MYO5A: variants seen among roughly 807,000 people sequenced by gnomAD.
The protein encoded by MYO5A is myosin VA.
In MYO5A, 98 loss-of-function variants were observed where a neutral mutation model predicts 249.7. That is an observed-to-expected ratio of 0.39 (90% CI 0.33 to 0.46). MYO5A has a LOEUF of 0.46. MYO5A is among the 20% of genes least tolerant of loss of function. The probability of loss-of-function intolerance (pLI) is 0.98; values close to 1 mark genes in which losing one functional copy is unlikely to be tolerated. For synonymous variants in MYO5A, 778 were observed against 810.6 expected, an observed-to-expected ratio of 0.96 and a Z score of 0.68; for missense variants, 1,696 against 2,308.8, an observed-to-expected ratio of 0.73 and a Z score of 5.44.
Position 52,360,076 on chromosome 15 carries a change from C to T in MYO5A, c.3315G>A (p.Val1105=), listed in dbSNP as rs375341013. Residue 1105 remains valine (V), a synonymous_variant, in exon 25 of 42, where the codon GTG becomes GTA. Coordinates refer to ENST00000399233, the MANE Select transcript of MYO5A (RefSeq NM_001382347.1). ...CTGTTCTCTTGTGTCCAGGCTTAGG[C>T]ACATGCTGCAAGGCAAATAACCCAG... The part of the protein sequence containing the change: ...LKEEMTLMVH[V]PKPGHKRTDS... The T allele has an allele frequency of 2.5e-5, 40 of 1,608,754 alleles. No homozygotes were observed. Among genetic ancestry groups the T allele is most frequent in the Non-Finnish European group, 3.2e-5 (38 of 1,175,582 alleles).
At chr15:52,506,287 C>T (rs2077269619) in intron 1 of MYO5A, among the ~76,000 whole-genome samples, 1 of 152,088 alleles carries the variant, frequency 6.6e-6, no homozygotes, top group Admixed American at 6.6e-5. Flanking sequence ...GGAGGCTGAG[C>T]TTGCAGTAAG....
chr15:52,326,049 T>C (rs777313277), intron 36 of MYO5A, among the ~76,000 whole-genome samples: 9 of 152,274 alleles, frequency 5.9e-5, no homozygotes, highest in Non-Finnish European at 1.2e-4. Flanking sequence ...ATTCTCTGCA[T>C]ATCTTTGGCT....
At chr15:52,321,935 T>C (rs1249583782) in intron 37 of MYO5A, among the ~76,000 whole-genome samples, 1 of 152,082 alleles carries the variant, frequency 6.6e-6, no homozygotes, top group African/African-American at 2.4e-5. Flanking sequence ...AGGACATATA[T>C]AATCTTGAAA....
intron 1 of MYO5A, among the ~76,000 whole-genome samples, chr15:52,441,342 A>G (rs1485534346): frequency 6.6e-6 from 1 of 152,082 alleles, no homozygotes; most frequent in Non-Finnish European, 1.5e-5. Flanking sequence ...ATGTGTGTGT[A>G]TACATAAATA....
chr15:52,438,871 CTGT>C (rs946545509), intron 1 of MYO5A, among the ~76,000 whole-genome samples: 16 of 152,362 alleles, frequency 1.1e-4, no homozygotes, highest in African/African-American at 3.8e-4. Context: ...TCCACCACTG[CTGT>C]TTGCCACTGT....
chr15:52,388,598 G>A (rs145519896), intron 13 of MYO5A, among the ~76,000 whole-genome samples: 16 of 152,248 alleles, frequency 1.1e-4, no homozygotes, highest in African/African-American at 3.1e-4. Context: ...TTACCCCAAA[G>A]CCTACATCAC....
Position 52,321,422 on chromosome 15 carries a change from A to G in MYO5A, c.4888T>C (p.Leu1630=). The change falls in exon 38 of 42, where the codon TTG becomes CTG. Residue 1630 remains leucine (L), a synonymous_variant. Coordinates refer to ENST00000399233, the MANE Select transcript of MYO5A (RefSeq NM_001382347.1). ...AGCTGCTGGTAGATCTGAATGGCCA[A>G]GTCACTCAGCACCTGCCGATACTCA... ...LAEYRQVLSD[L]AIQIYQQLVR... The G allele has an allele frequency of 2.5e-6, 4 of 1,614,238 alleles. No individual in the cohort carries two copies. Among genetic ancestry groups the G allele is most frequent in the Non-Finnish European group, 3.4e-6 (4 of 1,180,044 alleles).
At chr15:52,364,452 G>A in intron 24 of MYO5A, 102 bp downstream of exon 24, 2 of 1,080,822 alleles carry the variant, frequency 1.9e-6, no homozygotes, top group Non-Finnish European at 2.7e-6. Flanking sequence ...GGAACTGGGT[G>A]GTAGGTACAC....
At chr15:52,512,479 A>C (rs959890377) in intron 1 of MYO5A, among the ~76,000 whole-genome samples, 1 of 152,060 alleles carries the variant, frequency 6.6e-6, no homozygotes, top group African/African-American at 2.4e-5. Context: ...TATACTTCTT[A>C]GAGAAAATAG....
chr15:52,451,576 C>G (rs956597237), intron 1 of MYO5A, among the ~76,000 whole-genome samples: 1 of 152,172 alleles, frequency 6.6e-6, no homozygotes, highest in East Asian at 1.9e-4. Flanking sequence ...AGAACCAACC[C>G]CATCTCATGA....
chr15:52,425,695 G>C, intron 4 of MYO5A, 135 bp downstream of exon 4: 1 of 1,017,720 alleles, frequency 9.8e-7, no homozygotes, highest in Non-Finnish European at 1.5e-6. Flanking sequence ...AGTCACCTGA[G>C]ACAAACTTGT....
chr15:52,453,105 A>G (rs932556292), intron 1 of MYO5A, among the ~76,000 whole-genome samples: 16 of 152,304 alleles, frequency 1.1e-4, no homozygotes, highest in Admixed American at 9.8e-4. Flanking sequence ...TTTGACCCAA[A>G]TGAGGCTACC....
At chr15:52,498,005 C>G (rs2141568704) in intron 1 of MYO5A, among the ~76,000 whole-genome samples, 1 of 152,042 alleles carries the variant, frequency 6.6e-6, no homozygotes, top group East Asian at 1.9e-4. Context: ...CAAAGAAAGG[C>G]TGAAAAGCAA....
chr15:52,381,990 C>T (rs2041764381), intron 16 of MYO5A, among the ~76,000 whole-genome samples: 1 of 152,156 alleles, frequency 6.6e-6, no homozygotes, highest in Non-Finnish European at 1.5e-5. Flanking sequence ...GCAACTGCAG[C>T]CTCCCAGGTT....
chr15:52,361,979 T>C (rs1264263462), intron 24 of MYO5A, among the ~76,000 whole-genome samples: 2 of 152,214 alleles, frequency 1.3e-5, no homozygotes, highest in Non-Finnish European at 2.9e-5. Flanking sequence ...TTAATTTATC[T>C]TTAAACACTT....
intron 25 of MYO5A, among the ~76,000 whole-genome samples, chr15:52,357,660 G>A (rs767814992): frequency 2.0e-5 from 3 of 152,134 alleles, no homozygotes; most frequent in African/African-American, 7.2e-5. Context: ...GAGTGCTCCC[G>A]ATGGTACCCA....
rs906684290 is a variant in MYO5A, at chr15:52,308,890, C to G, written c.*4806G>C. The G allele has an allele frequency of 6.5e-6, 1 of 153,046 alleles. No individual in the cohort carries two copies. Among genetic ancestry groups the G allele is most frequent in the African/African-American group, 2.4e-5 (1 of 41,466 alleles). The allele number at this position is 153,046 out of a possible 1,614,324, so 9.5% of individuals were successfully genotyped here. ...TGCACTCATCCATGAACAGAGGTCACGGCAATACAGATCCTCTTCAACGCG... is the reference window on the plus strand; with the variant it reads ...TGCACTCATCCATGAACAGAGGTCAGGGCAATACAGATCCTCTTCAACGCG... On this transcript the variant is annotated 3_prime_UTR_variant, in exon 42 of 42. Transcript: ENST00000399233.
Position 52,523,919 on chromosome 15 carries a change from T to C in MYO5A, c.27+4861A>G, listed in dbSNP as rs975149283. On this transcript the variant is annotated intron_variant, in intron 1 of 41. Coordinates refer to ENST00000399233, the MANE Select transcript of MYO5A (RefSeq NM_001382347.1). ...GTTGGAAGCAGTCTGAGAAATACAG[T>C]CTCGACATGAAAATATTAGAATTTC... 2.1e-5 allele frequency among the ~76,000 whole-genome samples: 3 copies of C among 142,384 alleles called. No homozygotes were observed. In the Admixed American group the frequency reaches 2.1e-4, roughly 10 times the overall value. The allele number at this position is 142,384 out of a possible 152,430, so 93.4% of individuals were successfully genotyped here.
At chr15:52,509,950 A>G (rs1371503278) in intron 1 of MYO5A, among the ~76,000 whole-genome samples, 1 of 152,152 alleles carries the variant, frequency 6.6e-6, no homozygotes, top group Non-Finnish European at 1.5e-5. Flanking sequence ...CTATTATTCC[A>G]TTAATTATTT....
Sources: gnomAD v4.1 joint callset for allele counts (sites outside exome capture counted in the v4.1 genomes callset) on GRCh38, gnomAD v4.1.1 for gene constraint, MANE v1.5 for transcripts, NCBI Gene and HGNC (gene_info 2026-07-23, HGNC 2026-07-21) for gene names.